PDE4B: variants seen among roughly 807,000 people sequenced by gnomAD.
PDE4B encodes the protein phosphodiesterase 4B.
In PDE4B, 20 loss-of-function variants were observed where a neutral mutation model predicts 82.2. That is an observed-to-expected ratio of 0.24 (90% confidence interval 0.17 to 0.35). The LOEUF (loss-of-function observed/expected upper bound fraction) is 0.35, where lower values mean the gene tolerates loss of function less well. Ranked by LOEUF, PDE4B falls within the 10% of genes least tolerant of loss-of-function variation. PDE4B has a pLI of 1.00. For missense variants in PDE4B, 655 were observed against 907.2 expected (o/e 0.72, Z 3.57); for synonymous variants, 320 against 318.9 (o/e 1.00, Z -0.04).
rs535806690 is a variant in PDE4B, at chr1:65,852,188, G to A, written c.-71+58940G>A. ...ATTTGTAGTTTTATTGGTTTAATTT[G>A]TCTGGTTAGACTATCAGGGTTATGC... On this transcript the variant is annotated intron_variant, in intron 1 of 16. Transcript: ENST00000341517. Among the ~76,000 whole-genome samples the A allele has an allele frequency of 6.6e-5, 10 of 151,836 alleles. No homozygotes were observed. The South Asian group carries it at 2.1e-3, about 32-fold the overall frequency.
chr1:65,854,227 A>T (rs1341099408), intron 1 of PDE4B, among the ~76,000 whole-genome samples: 1 of 151,486 alleles, frequency 6.6e-6, no homozygotes, highest in African/African-American at 2.4e-5. Flanking sequence ...TTTATTATAT[A>T]CATAATAAAT....
At chr1:66,088,421 G>A (rs1424861254) in intron 3 of PDE4B, among the ~76,000 whole-genome samples, 5 of 152,054 alleles carry the variant, frequency 3.3e-5, no homozygotes, top group Non-Finnish European at 1.5e-5. Flanking sequence ...ATGGATTTGG[G>A]AGCATGGGGA....
In PDE4B at chr1:66,163,088, T is replaced by G. The variant is rs1396568670; in HGVS notation, c.282-84372T>G. The stretch of plus-strand genomic sequence containing the variant: ...TTACTGTAAGAGATTAGCCTTAGAC[T>G]CCAAAGAAGTGTGCTCAACTCCTTT... On this transcript the variant is annotated intron_variant, in intron 3 of 16. Coordinates refer to ENST00000341517, the MANE Select transcript of PDE4B (RefSeq NM_002600.4). 2.6e-5 allele frequency among the ~76,000 whole-genome samples: 4 copies of G among 152,144 alleles called. No homozygotes were observed. The East Asian group carries it at 7.7e-4, about 29-fold the overall frequency.
At position 66,186,838 on chromosome 1, in the gene PDE4B, C is replaced by T. The variant is rs535860474; in HGVS notation, c.282-60622C>T. Among the ~76,000 whole-genome samples, 325 of 152,226 alleles carry T rather than the reference C, an allele frequency of 2.1e-3. 1 individual carries two copies. The highest frequency in any genetic ancestry group is 3.1e-3 in the Non-Finnish European group (213 of 68,018). On this transcript the variant is annotated intron_variant, in intron 3 of 16. Transcript: ENST00000341517. The stretch of plus-strand genomic sequence containing the variant: ...AATACCCTTTATTTCCTTCTCCTGC[C>T]TAATTGCCCGGGCCAGAGCTTCCAA...
At chr1:66,185,464 A>G (rs555160981) in intron 3 of PDE4B, among the ~76,000 whole-genome samples, 1 of 152,154 alleles carries the variant, frequency 6.6e-6, no homozygotes, top group South Asian at 2.1e-4. Context: ...CCAACAGTGT[A>G]AAAGTGTTCC....
chr1:66,266,652 C>T (rs1192105040), intron 7 of PDE4B: 1 of 512,450 alleles, frequency 2.0e-6, no homozygotes, highest in African/African-American at 1.9e-5. Flanking sequence ...TTTTTAAGAA[C>T]CTAACCTCTC....
At chr1:66,296,026 GTTCATCAGGCTAATGCCCGCT>G (rs1451273217) in intron 7 of PDE4B, among the ~76,000 whole-genome samples, 2 of 152,038 alleles carry the variant, frequency 1.3e-5, no homozygotes, top group African/African-American at 4.8e-5. Context: ...ATTCCCCTTT[GTTCATCAGGCTAATGCCCGCT>G]GGTTTAGACC....
chr1:65,838,482 TAC>T (rs1468434477), intron 1 of PDE4B, among the ~76,000 whole-genome samples: 23 of 148,586 alleles, frequency 1.5e-4, no homozygotes, highest in South Asian at 2.1e-4. Flanking sequence ...ACTATATATA[TAC>T]GTATATGTAT....
At chr1:66,136,328 G>C (rs975052112) in intron 3 of PDE4B, among the ~76,000 whole-genome samples, 1 of 152,142 alleles carries the variant, frequency 6.6e-6, no homozygotes, top group African/African-American at 2.4e-5. Context: ...CTATTTCAGA[G>C]ATATGTGAAT....
At chr1:66,101,987 T>C (rs1645234762) in intron 3 of PDE4B, among the ~76,000 whole-genome samples, 1 of 152,200 alleles carries the variant, frequency 6.6e-6, no homozygotes, top group South Asian at 2.1e-4. Context: ...AAGTCTTTAA[T>C]CCATCTTGAA....
At chr1:65,853,690 C>CAGCT (rs1259779657) in intron 1 of PDE4B, among the ~76,000 whole-genome samples, 1 of 151,964 alleles carries the variant, frequency 6.6e-6, no homozygotes, top group Non-Finnish European at 1.5e-5. Context: ...CCACCACGCA[C>CAGCT]AGCTAATTTT....
At chr1:66,366,790 C>T (rs1168229731) in intron 13 of PDE4B, among the ~76,000 whole-genome samples, 1 of 152,124 alleles carries the variant, frequency 6.6e-6, no homozygotes, top group Non-Finnish European at 1.5e-5. Context: ...TATAGCACTG[C>T]AACATATAAA....
rs139313726 is a variant in PDE4B, at chr1:66,249,087, C to A, written c.476+1433C>A. Among the ~76,000 whole-genome samples the A allele has an allele frequency of 1.3e-3, 196 of 152,292 alleles. 1 individual carries two copies. Among genetic ancestry groups the A allele is most frequent in the African/African-American group, 4.5e-3 (187 of 41,548 alleles). On this transcript the variant is annotated intron_variant, in intron 4 of 16. Transcript: ENST00000341517. Reference sequence around the variant, plus strand: ...GGCATCTCTACCACTAGGTAGAAAACAAATGACTGCAGAGTAGAGGTGTCC... The same window carrying A: ...GGCATCTCTACCACTAGGTAGAAAAAAAATGACTGCAGAGTAGAGGTGTCC...
chr1:66,069,088 G>T (rs1195115395), intron 3 of PDE4B, among the ~76,000 whole-genome samples: 2 of 152,030 alleles, frequency 1.3e-5, no homozygotes, highest in African/African-American at 2.4e-5. Context: ...ATGGTTTCCA[G>T]ATAAGCCTGT....
chr1:66,354,823 T>C (rs1451822183), intron 8 of PDE4B: 2 of 1,535,448 alleles, frequency 1.3e-6, no homozygotes, highest in Admixed American at 2.0e-5. Flanking sequence ...GATTTGTGGA[T>C]TGTGGCAAGG....
At chr1:66,361,495 C>A in intron 9 of PDE4B, 120 bp from the exon 10 acceptor site, 1 of 731,320 alleles carries the variant, frequency 1.4e-6, no homozygotes, top group Non-Finnish European at 2.2e-6. Flanking sequence ...TGAAATAGTG[C>A]TACAAGATTT....
intron 3 of PDE4B, among the ~76,000 whole-genome samples, chr1:65,940,500 T>C (rs1030417099): frequency 2.0e-5 from 3 of 152,246 alleles, no homozygotes; most frequent in African/African-American, 7.2e-5. Context: ...GAATGAACCA[T>C]AGAAGCAAAG....
At chr1:65,925,896 C>T (rs1295092589) in intron 3 of PDE4B, among the ~76,000 whole-genome samples, 2 of 152,106 alleles carry the variant, frequency 1.3e-5, no homozygotes, top group Non-Finnish European at 2.9e-5. Flanking sequence ...TGCCTATGAC[C>T]CCACGCCCTC....
chr1:65,963,216 G>A (rs1440454830), intron 3 of PDE4B, among the ~76,000 whole-genome samples: 1 of 152,142 alleles, frequency 6.6e-6, no homozygotes, highest in African/African-American at 2.4e-5. Flanking sequence ...GGTTTTGTGA[G>A]TTTATTTGAA....
Sources: allele counts gnomAD v4.1 joint callset (sites outside exome capture counted in the v4.1 genomes callset), GRCh38; gene constraint gnomAD v4.1.1; transcripts MANE v1.5; gene names NCBI Gene and HGNC (gene_info 2026-07-23, HGNC 2026-07-21).